PLEKHH1: variants seen among roughly 807,000 people sequenced by gnomAD.
The protein encoded by PLEKHH1 is pleckstrin homology domain-containing family H member 1.
In PLEKHH1, 104 loss-of-function variants were observed where a neutral mutation model predicts 160.0. That is an observed-to-expected ratio of 0.65 (90% CI 0.55 to 0.76). The LOEUF (loss-of-function observed/expected upper bound fraction) is 0.76. Among genes scored for constraint, PLEKHH1 ranks in the 30% least tolerant of loss-of-function variants. The pLI, the probability that PLEKHH1 is intolerant of heterozygous loss-of-function variation, is 0.00. For missense variants in PLEKHH1, 1,427 were observed against 1,724.1 expected, an observed-to-expected ratio of 0.83 and a Z score of 3.05; for synonymous variants, 619 against 678.4, an observed-to-expected ratio of 0.91 and a Z score of 1.36.
Position 67,579,802 on chromosome 14 carries a change from C to T in PLEKHH1, c.3109C>T (p.His1037Tyr). The T allele has an allele frequency of 6.2e-7, 1 of 1,610,842 alleles. No individual in the cohort carries two copies. Among genetic ancestry groups the T allele is most frequent in the Non-Finnish European group, 8.5e-7 (1 of 1,178,420 alleles). The change falls in exon 22 of 29, where the codon CAC becomes TAC. Residue 1037 changes from histidine (H) to tyrosine (Y), a missense_variant. His to Tyr is a moderately conservative substitution (Grantham distance 83). Around this residue, in one of 6 missense-constraint regions of PLEKHH1, gnomAD observed 436 missense variants for 607.5 expected, o/e 0.72. Coordinates refer to ENST00000329153, the MANE Select transcript of PLEKHH1 (RefSeq NM_020715.3). ...GGAGATAGGCATGAGAAAGCCATCCCACTCTGGCTTTGCCCTCTTCACGGA... is the reference window on the plus strand; with the variant it reads ...GGAGATAGGCATGAGAAAGCCATCCTACTCTGGCTTTGCCCTCTTCACGGA... The part of the protein sequence containing the change: ...NQEIGMRKPS[H>Y]SGFALFTDDP...
At chr14:67,577,498 A>C in intron 18 of PLEKHH1, 84 bp downstream of exon 18, 1 of 867,784 alleles carries the variant, frequency 1.2e-6, no homozygotes, top group Non-Finnish European at 1.9e-6. Flanking sequence ...GGGACAACCC[A>C]CAGAGGGATC....
At chr14:67,586,238 C>T in intron 28 of PLEKHH1, 141 bp downstream of exon 28, 1 of 1,156,256 alleles carries the variant, frequency 8.6e-7, no homozygotes, top group Non-Finnish European at 1.3e-6. Flanking sequence ...AATTAGTATT[C>T]CAAAGGTTCA....
intron 2 of PLEKHH1, among the ~76,000 whole-genome samples, chr14:67,542,320 G>C (rs2034002548): frequency 6.6e-6 from 1 of 152,260 alleles, no homozygotes; most frequent in South Asian, 2.1e-4. Flanking sequence ...GGGGAAGGAC[G>C]GTGTTTCGGG....
rs925772996 is a variant in PLEKHH1 at position 67,574,549 on chromosome 14, C to T, written c.2088+146C>T. 18 of 602,172 alleles carry T rather than the reference C, an allele frequency of 3.0e-5. No individual in the cohort carries two copies. The highest frequency in any genetic ancestry group is 4.0e-5 in the Non-Finnish European group (15 of 373,192). 37.3% of individuals were successfully genotyped at this position (602,172 alleles called of 1,614,324 possible). On this transcript the variant is annotated intron_variant, in intron 14 of 28. Transcript: ENST00000329153. This position sits in a 1 kb window ranked among gnomAD's most constrained non-coding sequence, Gnocchi z 4.2. ...TCACAGTGACTCGCTGGCCAGCCCT[C>T]AAACGTGGTCTGGCCACACAAGGTG...
chr14:67,572,403 C>G lies in PLEKHH1; in HGVS notation c.1728+126C>G. On this transcript the variant is annotated intron_variant, in intron 11 of 28. Transcript: ENST00000329153. ...GGTCCCTAGAGCTGGGGGATGGGGG[C>G]AGGGGGCGTGGGCTGGGGGGGTGTA... 4 of 337,466 alleles carry G rather than the reference C, an allele frequency of 1.2e-5. No homozygotes were observed. In the South Asian group the frequency reaches 1.3e-4, roughly 11 times the overall value. 20.9% of individuals were successfully genotyped at this position (337,466 alleles called of 1,614,324 possible).
intron 2 of PLEKHH1, among the ~76,000 whole-genome samples, chr14:67,547,118 A>G (rs190871653): frequency 6.6e-6 from 1 of 152,206 alleles, no homozygotes; most frequent in East Asian, 1.9e-4. Flanking sequence ...ATGTCTTCAC[A>G]TGGAAATGTT....
chr14:67,562,608 A>T lies in PLEKHH1; in HGVS notation c.977A>T (p.Gln326Leu). The T allele has an allele frequency of 6.2e-7, 1 of 1,613,054 alleles. No homozygotes were observed. Among genetic ancestry groups the T allele is most frequent in the Middle Eastern group, 1.7e-4 (1 of 6,060 alleles). The change falls in exon 7 of 29, where the codon CAG becomes CTG. Residue 326 changes from glutamine (Q) to leucine (L), a missense_variant. Transcript: ENST00000329153. The part of the protein sequence containing the change: ...RAPGTPRDSI[Q>L]LAKRHHSQPQ... ...CCTGGCACCCCGCGGGACAGCATCC[A>T]GTTGGCCAAAAGGCACCACAGCCAG...
rs1566770248 is a variant in PLEKHH1, at chr14:67,587,132, A to C, written c.3992A>C (p.Asn1331Thr). Residue 1331 changes from asparagine to threonine, a missense_variant, in exon 29 of 29, where the codon AAC becomes ACC. By Grantham distance (65) the Asn-to-Thr change is moderately conservative (BLOSUM62 0). This residue lies in a region of PLEKHH1 where 96 missense variants were observed against 97.6 expected (regional missense o/e 0.98). Transcript: ENST00000329153. ...ATGAACCATTGCACTACAACTGTGA[A>C]CCCCCCCACCAACCCACCCGGAGCC... Reference protein sequence around the residue: ...SYMNHCTTTVNPPTNPPGACQ... With the variant: ...SYMNHCTTTVTPPTNPPGACQ... 1.2e-6 allele frequency: 2 copies of C among 1,613,094 alleles called. No individual in the cohort carries two copies. Among genetic ancestry groups the C allele is most frequent in the East Asian group, 2.2e-5 (1 of 44,862 alleles).
intron 26 of PLEKHH1, among the ~76,000 whole-genome samples, chr14:67,584,341 G>A (rs1463344912): frequency 6.6e-6 from 1 of 152,088 alleles, no homozygotes; most frequent in East Asian, 1.9e-4. Flanking sequence ...CAAAAGAAAA[G>A]ATGTGATCAA....
intron 7 of PLEKHH1, among the ~76,000 whole-genome samples, chr14:67,565,800 A>C (rs2035062640): frequency 6.6e-6 from 1 of 152,144 alleles, no homozygotes; most frequent in Admixed American, 6.5e-5. Context: ...TATTTCCAGC[A>C]GTAACTCCCA....
chr14:67,566,554 G>C (rs2035098315), intron 7 of PLEKHH1, among the ~76,000 whole-genome samples: 1 of 148,412 alleles, frequency 6.7e-6, no homozygotes, highest in African/African-American at 2.4e-5. Flanking sequence ...AGACCAACCT[G>C]GGCAACACGG....
At position 67,582,172 on chromosome 14, in the gene PLEKHH1, A is replaced by G; in HGVS notation, c.3388A>G (p.Lys1130Glu). 6.2e-7 allele frequency: 1 copy of G among 1,613,674 alleles called. No homozygotes were observed. Among genetic ancestry groups the G allele is most frequent in the South Asian group, 1.1e-5 (1 of 91,030 alleles). Residue 1130 changes from lysine (K) to glutamate (E), a missense_variant, in exon 24 of 29, where the codon AAG becomes GAG. Lys to Glu is a moderately conservative substitution (Grantham distance 56). This residue lies in a region of PLEKHH1 where 436 missense variants were observed against 607.5 expected (regional missense o/e 0.72). Coordinates refer to ENST00000329153, the MANE Select transcript of PLEKHH1 (RefSeq NM_020715.3). This position sits in a 1 kb window ranked among gnomAD's most constrained non-coding sequence, Gnocchi z 5.0. ...AGTGGCAGGGAGGTTTCCTATCAAC[A>G]AGGAATTGGCTCTTGAGATGGCTGC... ...EIVAGRFPINKELALEMAALM... is the reference protein window; with the variant it reads ...EIVAGRFPINEELALEMAALM...
In PLEKHH1 at chr14:67,584,185, G is replaced by C; in HGVS notation, c.3699+61G>C. The stretch of plus-strand genomic sequence containing the variant: ...GGTGTGTCCCCAACTGCTCATGTTT[G>C]AGCCATACCAATTTGCAGCCCCTAC... On this transcript the variant is annotated intron_variant, in intron 26 of 28. Transcript: ENST00000329153. 9.0e-6 allele frequency: 14 copies of C among 1,563,930 alleles called. 1 individual carries two copies. The South Asian group carries it at 1.6e-4, about 18-fold the overall frequency.
chr14:67,579,817 C>T lies in PLEKHH1; in HGVS notation c.3124C>T (p.Leu1042Phe). Residue 1042 changes from leucine to phenylalanine, a missense_variant, in exon 22 of 29, where the codon CTC (leucine) becomes TTC (phenylalanine). This residue lies in a region of PLEKHH1 where 436 missense variants were observed against 607.5 expected (regional missense o/e 0.72). Coordinates refer to ENST00000329153, the MANE Select transcript of PLEKHH1 (RefSeq NM_020715.3). ...MRKPSHSGFA[L>F]FTDDPSGRDL... ...AAAGCCATCCCACTCTGGCTTTGCCCTCTTCACGGACGATCCCTCGGGCAG... is the reference window on the plus strand; with the variant it reads ...AAAGCCATCCCACTCTGGCTTTGCCTTCTTCACGGACGATCCCTCGGGCAG... 1 of 1,610,088 alleles carries T rather than the reference C, an allele frequency of 6.2e-7. No individual in the cohort carries two copies. The highest frequency in any genetic ancestry group is 1.1e-5 in the South Asian group (1 of 89,824).
chr14:67,553,105 A>G (rs1333662722), intron 2 of PLEKHH1, among the ~76,000 whole-genome samples: 2 of 152,228 alleles, frequency 1.3e-5, no homozygotes. Context: ...CTCCATTTGC[A>G]AAAGAGCAAG....
chr14:67,533,887 T>A (rs995281382), intron 1 of PLEKHH1: 2 of 152,194 alleles, frequency 1.3e-5, no homozygotes, highest in Non-Finnish European at 2.9e-5. Context: ...ACACAGAGCA[T>A]TGTGTCCTAG....
intron 11 of PLEKHH1, 140 bp downstream of exon 11, chr14:67,572,417 T>TG (rs957593389): frequency 3.5e-5 from 6 of 169,236 alleles, no homozygotes; most frequent in South Asian, 5.3e-5. Flanking sequence ...GGGCGTGGGC[T>TG]GGGGGGGTGT....
chr14:67,584,463 C>T (rs2140554788), intron 26 of PLEKHH1, among the ~76,000 whole-genome samples: 1 of 152,310 alleles, frequency 6.6e-6, no homozygotes, highest in South Asian at 2.1e-4. Context: ...TACATCTCCA[C>T]TGGTTTGACA....
rs748494566 is a variant in PLEKHH1 at position 67,584,091 on chromosome 14, G to GCA, written c.3667_3668insAC (p.Pro1223HisfsTer28). 6.2e-7 allele frequency: 1 copy of GCA among 1,613,912 alleles called. No individual in the cohort carries two copies. The highest frequency in any genetic ancestry group is 1.1e-5 in the South Asian group (1 of 91,074). On this transcript the variant is annotated frameshift_variant, in exon 26 of 29. Transcript: ENST00000329153. LOFTEE classifies it high-confidence loss of function. ...TCTACCTGACCGTGGCCAGGAAATG[G>GCA]CCTTTCTTTGGTGCTAAACTTTTTG...
Sources: allele counts gnomAD v4.1 joint callset (sites outside exome capture counted in the v4.1 genomes callset), GRCh38; gene constraint gnomAD v4.1.1; regional missense constraint gnomAD v4.1.1; non-coding constraint Gnocchi (gnomAD v3.1); transcripts MANE v1.5; gene names NCBI Gene and HGNC (gene_info 2026-07-23, HGNC 2026-07-21).